The following PCDHGA3 variants were observed in gnomAD, a reference collection of about 807,000 sequenced individuals.
The protein encoded by PCDHGA3 is protocadherin gamma-A3.
In PCDHGA3, 40 loss-of-function variants were observed where a neutral mutation model predicts 58.5. That is an observed-to-expected ratio of 0.68 (90% CI 0.53 to 0.89). PCDHGA3 has a LOEUF of 0.89. Among genes scored for constraint, PCDHGA3 ranks in the 40% least tolerant of loss-of-function variants. The probability of loss-of-function intolerance (pLI) is 0.00; values close to 1 mark genes in which losing one functional copy is unlikely to be tolerated. For synonymous variants in PCDHGA3, 530 were observed against 525.7 expected, an observed-to-expected ratio of 1.01 and a Z score of -0.11; for missense variants, 1,223 against 1,195.9, an observed-to-expected ratio of 1.02 and a Z score of -0.33.
At chr5:141,463,296 C>T (rs1194250577) in intron 1 of PCDHGA3, among the ~76,000 whole-genome samples, 1 of 151,986 alleles carries the variant, frequency 6.6e-6, no homozygotes, top group African/African-American at 2.4e-5. Flanking sequence ...CTCCTAATCT[C>T]CCCAAACTCT....
intron 1 of PCDHGA3, among the ~76,000 whole-genome samples, chr5:141,348,518 A>G (rs1224443718): frequency 6.6e-6 from 1 of 152,220 alleles, no homozygotes; most frequent in African/African-American, 2.4e-5. Flanking sequence ...GTCAGGGGAA[A>G]TTTGGATGCT....
chr5:141,364,366 G>A (rs755664508), intron 1 of PCDHGA3: 1 of 1,563,758 alleles, frequency 6.4e-7, no homozygotes, highest in South Asian at 1.2e-5. Context: ...GCTGCGGAGA[G>A]CTGCTGCTGC....
At chr5:141,404,481 A>T in intron 1 of PCDHGA3, 1 of 1,613,836 alleles carries the variant, frequency 6.2e-7, no homozygotes, top group Non-Finnish European at 8.5e-7. Context: ...ATTAACTCAG[A>T]CACTGGTGTG....
rs1417754081 is a variant in PCDHGA3, at chr5:141,512,046, T to C, written c.*873T>C. 1 of 152,746 alleles carries C rather than the reference T, an allele frequency of 6.5e-6. No individual in the cohort carries two copies. Among genetic ancestry groups the C allele is most frequent in the East Asian group, 1.9e-4 (1 of 5,190 alleles). 9.5% of individuals were successfully genotyped at this position (152,746 alleles called of 1,614,324 possible). Reference sequence around the variant, plus strand: ...GCCTTGGAGGAGGCTCTGTATGTCCTCAGGGGACTGACAACATCCTCCAGA... The same window carrying C: ...GCCTTGGAGGAGGCTCTGTATGTCCCCAGGGGACTGACAACATCCTCCAGA... On this transcript the variant is annotated 3_prime_UTR_variant, in exon 4 of 4. Transcript: ENST00000253812.
rs145748099 is a variant in PCDHGA3, at chr5:141,365,734, T to A, written c.2424+19277T>A. ...CTGTCACAGAAAACAATCCCAGAGG[T>A]GTCTCTATCTTCTCTGTGACAGCCC... On this transcript the variant is annotated intron_variant, in intron 1 of 3. Coordinates refer to ENST00000253812, the MANE Select transcript of PCDHGA3 (RefSeq NM_018916.4). The A allele has an allele frequency of 1.9e-6, 3 of 1,613,550 alleles. No individual in the cohort carries two copies. The African/African-American group carries it at 4.0e-5, about 22-fold the overall frequency.
chr5:141,358,269 CT>C (rs1760870849), intron 1 of PCDHGA3, among the ~76,000 whole-genome samples: 1 of 152,132 alleles, frequency 6.6e-6, no homozygotes, highest in Non-Finnish European at 1.5e-5. Context: ...TACAAGAGAC[CT>C]GTAAAATAGA....
intron 1 of PCDHGA3, among the ~76,000 whole-genome samples, chr5:141,451,138 A>T (rs1348825654): frequency 6.6e-6 from 1 of 152,242 alleles, no homozygotes; most frequent in East Asian, 1.9e-4. Flanking sequence ...TTATGATTGT[A>T]TTTAGACTAG....
chr5:141,353,359 A>C (rs1759255864), intron 1 of PCDHGA3, among the ~76,000 whole-genome samples: 1 of 152,224 alleles, frequency 6.6e-6, no homozygotes, highest in Non-Finnish European at 1.5e-5. Context: ...TTAATTATGT[A>C]ATTGATGTAA....
In PCDHGA3 at chr5:141,432,601, G is replaced by A. The variant is rs1313279772; in HGVS notation, c.2425-62206G>A. The A allele has an allele frequency of 5.6e-6, 9 of 1,613,950 alleles. No homozygotes were observed. Among genetic ancestry groups the A allele is most frequent in the Admixed American group, 1.7e-5 (1 of 60,030 alleles). On this transcript the variant is annotated intron_variant, in intron 1 of 3. Transcript: ENST00000253812. The surrounding 1 kb of genome is among the most constrained non-coding windows in gnomAD (Gnocchi z 6.0). ...ACCGTCTGCTCAAGGCCAGCGAGCC[G>A]GGACTCTTCTCGGTGGGTCTGCACA...
At chr5:141,420,907 C>G (rs916293573) in intron 1 of PCDHGA3, 3 of 301,914 alleles carry the variant, frequency 9.9e-6, no homozygotes, top group Admixed American at 4.6e-5. Context: ...TCTACAAATA[C>G]GTGTGATTCA....
At chr5:141,439,009 G>T (rs1474312524) in intron 1 of PCDHGA3, among the ~76,000 whole-genome samples, 1 of 151,594 alleles carries the variant, frequency 6.6e-6, no homozygotes, top group Non-Finnish European at 1.5e-5. Flanking sequence ...TGGTTTGTTT[G>T]TCAAATTTTG....
chr5:141,492,548 C>T (rs1028674110), intron 1 of PCDHGA3, among the ~76,000 whole-genome samples: 5 of 152,218 alleles, frequency 3.3e-5, no homozygotes, highest in African/African-American at 9.6e-5. Flanking sequence ...TGGGCCGGGT[C>T]GCCTGGGGGG....
At position 141,353,083 on chromosome 5, in the gene PCDHGA3, T is replaced by A. The variant is rs1164275141; in HGVS notation, c.2424+6626T>A. 3.3e-5 allele frequency among the ~76,000 whole-genome samples: 5 copies of A among 152,318 alleles called. No homozygotes were observed. In the East Asian group the frequency reaches 9.6e-4, roughly 29 times the overall value. On this transcript the variant is annotated intron_variant, in intron 1 of 3. Coordinates refer to ENST00000253812, the MANE Select transcript of PCDHGA3 (RefSeq NM_018916.4). ...TCATTGTTCTAGTGATGGTATCTAC[T>A]GCGGGAGGGGGTACTAGATAGATGG...
chr5:141,478,394 G>A, intron 1 of PCDHGA3: 1 of 1,613,586 alleles, frequency 6.2e-7, no homozygotes, highest in Non-Finnish European at 8.5e-7. Context: ...TTACCATCAG[G>A]TGTATCTCAC....
At chr5:141,400,638 T>A in intron 1 of PCDHGA3, 1 of 1,325,472 alleles carries the variant, frequency 7.5e-7, no homozygotes, top group Non-Finnish European at 1.1e-6. Flanking sequence ...TCAGAGCTGC[T>A]CAGAAAGCTG....
chr5:141,437,371 A>C (rs887976412), intron 1 of PCDHGA3, among the ~76,000 whole-genome samples: 1 of 152,262 alleles, frequency 6.6e-6, no homozygotes, highest in African/African-American at 2.4e-5. Context: ...GAATGTAATC[A>C]GTCAGAAGAC....
chr5:141,454,644 G>T (rs183290309), intron 1 of PCDHGA3, among the ~76,000 whole-genome samples: 2 of 151,892 alleles, frequency 1.3e-5, no homozygotes, highest in South Asian at 2.1e-4. Flanking sequence ...AACCTCAGGT[G>T]ATCTGCCCAC....
intron 1 of PCDHGA3, chr5:141,422,550 G>A: frequency 6.2e-7 from 1 of 1,613,978 alleles, no homozygotes; most frequent in Non-Finnish European, 8.5e-7. Flanking sequence ...ATGTCTGGCT[G>A]AATGTGGCAG....
At chr5:141,394,660 T>G in intron 1 of PCDHGA3, 1 of 1,613,264 alleles carries the variant, frequency 6.2e-7, no homozygotes, top group East Asian at 2.2e-5. Context: ...GAGCCGGGAC[T>G]CTTCTCGGTG....
Sources: allele counts gnomAD v4.1 joint callset (sites outside exome capture counted in the v4.1 genomes callset), GRCh38; gene constraint gnomAD v4.1.1; non-coding constraint Gnocchi (gnomAD v3.1); transcripts MANE v1.5; gene names NCBI Gene and HGNC (gene_info 2026-07-23, HGNC 2026-07-21).